Variants in EPHA6 observed in about 807,000 individuals in gnomAD.
EPHA6 encodes EPH receptor A6.
In EPHA6, 50 loss-of-function variants were observed where a neutral mutation model predicts 112.0. The ratio of observed to expected loss-of-function variants is 0.45; its 90% confidence interval spans 0.36 to 0.56. The LOEUF is 0.56. Among genes scored for constraint, EPHA6 ranks in the 20% least tolerant of loss-of-function variants. The pLI is 0.00. For synonymous variants in EPHA6, 529 were observed against 490.7 expected (o/e 1.08, Z -1.03); for missense variants, 1,280 against 1,417.4 (o/e 0.90, Z 1.56).
At chr3:97,614,508 T>TA (rs58695610) in intron 13 of EPHA6, among the ~76,000 whole-genome samples, 40,513 of 144,104 alleles carry the variant, frequency 0.28, 7,684 homozygotes, top group African/African-American at 0.51. Context: ...CTAATTTTTT[T>TA]TTTTTTTTTT....
At position 96,882,768 on chromosome 3, in the gene EPHA6, G is replaced by GTA. The variant is rs1553723519; in HGVS notation, c.450+15882_450+15883dup. ...TGTGTGTGTGTGTGTGTGTGTGTGT[G>GTA]TATAGTCAATCATCAATCTATGTGA... On this transcript the variant is annotated intron_variant, in intron 2 of 17. Transcript: ENST00000389672. Among the ~76,000 whole-genome samples, 663 of 148,890 alleles carry GTA rather than the reference G, an allele frequency of 4.5e-3. 17 individuals are homozygous for GTA. The highest frequency in any genetic ancestry group is 0.016 in the African/African-American group (616 of 39,718).
chr3:97,327,980 CAT>C (rs1491093492), intron 5 of EPHA6, among the ~76,000 whole-genome samples: 4 of 85,536 alleles, frequency 4.7e-5, no homozygotes, highest in African/African-American at 3.8e-4. Context: ...TGTATATGTG[CAT>C]ATATATGTAT....
chr3:97,668,102 G>A (rs1176633140), intron 14 of EPHA6, among the ~76,000 whole-genome samples: 4 of 151,988 alleles, frequency 2.6e-5, no homozygotes, highest in Non-Finnish European at 4.4e-5. Flanking sequence ...CTCACAAAAC[G>A]TCTTTGTGGT....
chr3:97,298,733 CAAT>C (rs2080971233), intron 5 of EPHA6, among the ~76,000 whole-genome samples: 1 of 151,876 alleles, frequency 6.6e-6, no homozygotes, highest in East Asian at 1.9e-4. Flanking sequence ...CCATTATTCA[CAAT>C]AATTCACACA....
At chr3:97,546,656 G>A (rs1320602488) in intron 11 of EPHA6, among the ~76,000 whole-genome samples, 2 of 152,236 alleles carry the variant, frequency 1.3e-5, no homozygotes, top group Non-Finnish European at 2.9e-5. Context: ...ATCCTGCAGA[G>A]TGTTTTCCAA....
intron 3 of EPHA6, among the ~76,000 whole-genome samples, chr3:97,099,288 T>C (rs1387288870): frequency 6.6e-6 from 1 of 151,930 alleles, no homozygotes; most frequent in Non-Finnish European, 1.5e-5. Context: ...TCCTGTCAAC[T>C]TTCTAATTTC....
intron 3 of EPHA6, among the ~76,000 whole-genome samples, chr3:97,080,920 T>C (rs532029586): frequency 2.0e-5 from 3 of 151,962 alleles, no homozygotes; most frequent in Non-Finnish European, 4.4e-5. Flanking sequence ...ATAGTTGTAT[T>C]TACACCATAA....
intron 3 of EPHA6, among the ~76,000 whole-genome samples, chr3:97,065,027 A>C (rs1576421544): frequency 6.6e-6 from 1 of 152,178 alleles, no homozygotes; most frequent in Non-Finnish European, 1.5e-5. Context: ...TGGGTTTTGA[A>C]AAATTTGCTG....
At chr3:97,544,666 G>C (rs1475241626) in intron 11 of EPHA6, among the ~76,000 whole-genome samples, 1 of 152,164 alleles carries the variant, frequency 6.6e-6, no homozygotes, top group Non-Finnish European at 1.5e-5. Flanking sequence ...AGAAGGAATG[G>C]TACCAGCTCC....
At chr3:97,548,140 C>T (rs775323679) in intron 11 of EPHA6, among the ~76,000 whole-genome samples, 11 of 152,208 alleles carry the variant, frequency 7.2e-5, no homozygotes, top group Non-Finnish European at 1.3e-4. Context: ...TGCAAAATCA[C>T]CCGTCTTCTG....
intron 1 of EPHA6, among the ~76,000 whole-genome samples, chr3:96,836,435 T>A (rs977110297): frequency 6.6e-6 from 1 of 152,152 alleles, no homozygotes; most frequent in African/African-American, 2.4e-5. Flanking sequence ...TCCTTGAAGG[T>A]TCTATTTTAC....
intron 5 of EPHA6, among the ~76,000 whole-genome samples, chr3:97,396,610 A>G (rs774528678): frequency 6.6e-6 from 1 of 151,624 alleles, no homozygotes; most frequent in Non-Finnish European, 1.5e-5. Context: ...AATGTAGTAA[A>G]AAATGTAATT....
chr3:97,522,059 G>C (rs985058130), intron 10 of EPHA6, among the ~76,000 whole-genome samples: 4 of 152,086 alleles, frequency 2.6e-5, no homozygotes, highest in Admixed American at 6.6e-5. Flanking sequence ...GAGTAGCTGG[G>C]ACTACCTTTG....
chr3:97,562,479 G>A (rs190349648), intron 11 of EPHA6, among the ~76,000 whole-genome samples: 81 of 152,280 alleles, frequency 5.3e-4, no homozygotes, highest in Middle Eastern at 3.4e-3. Context: ...TAGAAGTGGA[G>A]CCTGAAGATG....
At chr3:97,412,708 C>A (rs911029378) in intron 6 of EPHA6, among the ~76,000 whole-genome samples, 2 of 151,970 alleles carry the variant, frequency 1.3e-5, no homozygotes, top group Non-Finnish European at 2.9e-5. Flanking sequence ...TCAATTTCCT[C>A]AGCAATCTGG....
chr3:97,075,453 A>G (rs1010077161), intron 3 of EPHA6, among the ~76,000 whole-genome samples: 2 of 152,000 alleles, frequency 1.3e-5, no homozygotes, highest in Non-Finnish European at 2.9e-5. Flanking sequence ...ATAGGCAATA[A>G]TGATATGTTT....
chr3:97,669,868 A>G (rs1259045558), intron 14 of EPHA6, among the ~76,000 whole-genome samples: 2 of 152,216 alleles, frequency 1.3e-5, no homozygotes, highest in Non-Finnish European at 2.9e-5. Flanking sequence ...TCAATTATTC[A>G]GGTGTGAATT....
chr3:97,240,545 G>A (rs1435289142), intron 4 of EPHA6, among the ~76,000 whole-genome samples: 2 of 151,748 alleles, frequency 1.3e-5, no homozygotes. Flanking sequence ...TGACTTAATT[G>A]GTGAGCAGTC....
At chr3:97,123,826 G>T (rs1411704337) in intron 3 of EPHA6, among the ~76,000 whole-genome samples, 1 of 152,014 alleles carries the variant, frequency 6.6e-6, no homozygotes, top group Non-Finnish European at 1.5e-5. Context: ...TTCTGCCATA[G>T]AACTTATGCT....
Sources: allele counts gnomAD v4.1 joint callset (sites outside exome capture counted in the v4.1 genomes callset), GRCh38; gene constraint gnomAD v4.1.1; transcripts MANE v1.5; gene names NCBI Gene and HGNC (gene_info 2026-07-23, HGNC 2026-07-21).